The following GATA4 variants were observed in gnomAD, a reference collection of about 807,000 sequenced individuals.
The protein encoded by GATA4 is transcription factor GATA-4.
A neutral mutation model predicts 37.9 loss-of-function variants in GATA4; 7 were observed. That is an observed-to-expected ratio of 0.18 (90% CI 0.11 to 0.35). GATA4 has a LOEUF of 0.35. GATA4 is among the 10% of genes least tolerant of loss of function. GATA4 has a pLI of 1.00. For missense variants in GATA4, 647 were observed against 653.0 expected (o/e 0.99, Z 0.10); for synonymous variants, 372 against 292.6 (o/e 1.27, Z -2.77).
rs1563214163 is a variant in GATA4 at position 11,729,890 on chromosome 8, A to G, written c.617-19026A>G. On this transcript the variant is annotated intron_variant, in intron 2 of 6. Coordinates refer to ENST00000532059, the MANE Select transcript of GATA4 (RefSeq NM_001308093.3). ...TTTTGGTTTTTAAACCCAATATATA[A>G]TTCCTGGATATTCCTACCACTTACT... Among the ~76,000 whole-genome samples, 3 of 152,116 alleles carry G rather than the reference A, an allele frequency of 2.0e-5. No individual in the cohort carries two copies. In the South Asian group the frequency reaches 6.2e-4, roughly 32 times the overall value.
chr8:11,711,934 C>T (rs184425028), intron 2 of GATA4, among the ~76,000 whole-genome samples: 1 of 152,108 alleles, frequency 6.6e-6, no homozygotes, highest in African/African-American at 2.4e-5. Context: ...GCCACTGAGC[C>T]CTAAGATGGC....
At chr8:11,710,539 A>AC (rs1800132121) in intron 2 of GATA4, among the ~76,000 whole-genome samples, 2 of 151,504 alleles carry the variant, frequency 1.3e-5, no homozygotes, top group East Asian at 1.9e-4. Context: ...AAAAAAAAAA[A>AC]AATTAGCGGT....
chr8:11,758,434 C>T lies in GATA4; in HGVS notation c.1291C>T (p.Leu431=). The change falls in exon 7 of 7, where the codon CTG becomes TTG. Residue 431 remains leucine (L), a synonymous_variant. Transcript: ENST00000532059. ...TSSKQDSWNS[L]VLADSHGDII... ...CTCCAAGCAGGACTCTTGGAACAGC[C>T]TGGTCTTGGCCGACAGTCACGGGGA... 4.3e-6 allele frequency: 7 copies of T among 1,614,230 alleles called. No individual in the cohort carries two copies. The highest frequency in any genetic ancestry group is 5.9e-6 in the Non-Finnish European group (7 of 1,180,036).
At chr8:11,718,397 T>C (rs1485304549) in intron 2 of GATA4, among the ~76,000 whole-genome samples, 1 of 152,260 alleles carries the variant, frequency 6.6e-6, no homozygotes, top group African/African-American at 2.4e-5. Flanking sequence ...TTTTAAAATA[T>C]ATTTTCCCTC....
At chr8:11,717,653 A>G (rs1388748616) in intron 2 of GATA4, among the ~76,000 whole-genome samples, 1 of 152,168 alleles carries the variant, frequency 6.6e-6, no homozygotes, top group East Asian at 1.9e-4. Context: ...GAAGGGCTCT[A>G]TTAAACCTTA....
At chr8:11,747,673 A>G (rs1802098339) in intron 2 of GATA4, among the ~76,000 whole-genome samples, 1 of 152,368 alleles carries the variant, frequency 6.6e-6, no homozygotes, top group South Asian at 2.1e-4. Flanking sequence ...CTCAGAGAGT[A>G]TCTTAAGGAA....
chr8:11,730,462 A>G (rs770149176), intron 2 of GATA4, among the ~76,000 whole-genome samples: 1 of 152,226 alleles, frequency 6.6e-6, no homozygotes, highest in Non-Finnish European at 1.5e-5. Flanking sequence ...AAAAATCGGA[A>G]TAGAATGTGA....
At chr8:11,678,938 C>T (rs1174579507) in intron 1 of GATA4, among the ~76,000 whole-genome samples, 7 of 152,168 alleles carry the variant, frequency 4.6e-5, no homozygotes, top group Non-Finnish European at 7.3e-5. Flanking sequence ...ATTACTCTTT[C>T]TCCCTGGTCT....
intron 2 of GATA4, among the ~76,000 whole-genome samples, chr8:11,726,734 G>A (rs898441205): frequency 6.6e-6 from 1 of 152,142 alleles, no homozygotes; most frequent in South Asian, 2.1e-4. Context: ...GTGGATAGGC[G>A]TGTGCCCCCG....
chr8:11,737,200 C>G (rs971400874), intron 2 of GATA4, among the ~76,000 whole-genome samples: 4 of 152,048 alleles, frequency 2.6e-5, no homozygotes, highest in Non-Finnish European at 4.4e-5. Context: ...CACCCTTGCT[C>G]GCCTCCTCTT....
intron 2 of GATA4, among the ~76,000 whole-genome samples, chr8:11,710,283 C>A (rs543802306): frequency 7.9e-5 from 12 of 152,210 alleles, no homozygotes; most frequent in African/African-American, 2.9e-4. Flanking sequence ...AGACGGCCAC[C>A]CCCAGGGGAG....
At chr8:11,743,626 C>G (rs1055919650) in intron 2 of GATA4, among the ~76,000 whole-genome samples, 1 of 152,256 alleles carries the variant, frequency 6.6e-6, no homozygotes, top group Admixed American at 6.5e-5. Context: ...TTCCCTCTCC[C>G]CGCCCTGACT....
Position 11,708,617 on chromosome 8 carries a change from C to T in GATA4, c.305C>T (p.Pro102Leu), listed in dbSNP as rs1585595921. The T allele has an allele frequency of 7.5e-7, 1 of 1,342,276 alleles. No homozygotes were observed. The highest frequency in any genetic ancestry group is 9.5e-7 in the Non-Finnish European group (1 of 1,048,412). The allele number at this position is 1,342,276 out of a possible 1,614,324, so 83.1% of individuals were successfully genotyped here. Residue 102 changes from proline to leucine, a missense_variant, in exon 2 of 7, where the codon CCG becomes CTG. Around this residue, in one of 5 missense-constraint regions of GATA4, gnomAD observed 379 missense variants for 334.5 expected, o/e 1.13. Transcript: ENST00000532059. This position sits in a 1 kb window ranked among gnomAD's most constrained non-coding sequence, Gnocchi z 6.7. Reference sequence around the variant, plus strand: ...GCCGACGGAGCCGCTTACACCCCGCCGCCGGTGTCGCCGCGCTTCTCCTTC... The same window carrying T: ...GCCGACGGAGCCGCTTACACCCCGCTGCCGGTGTCGCCGCGCTTCTCCTTC... ...AGADGAAYTP[P>L]PVSPRFSFPG...
At chr8:11,731,763 G>A (rs990443951) in intron 2 of GATA4, among the ~76,000 whole-genome samples, 1 of 152,200 alleles carries the variant, frequency 6.6e-6, no homozygotes. Flanking sequence ...TTAAAGAAGA[G>A]AAAAATGGAG....
chr8:11,748,190 C>T (rs976111864), intron 2 of GATA4, among the ~76,000 whole-genome samples: 1 of 152,144 alleles, frequency 6.6e-6, no homozygotes, highest in African/African-American at 2.4e-5. Context: ...TGCACTCTAG[C>T]CTGGGCAACA....
chr8:11,743,928 T>C (rs980963598), intron 2 of GATA4, among the ~76,000 whole-genome samples: 2 of 151,706 alleles, frequency 1.3e-5, no homozygotes, highest in African/African-American at 4.8e-5. Context: ...AAGTGAAGAG[T>C]GAGATCCCCA....
At chr8:11,692,597 G>T (rs945064538), upstream of GATA4, 18 of 985,196 alleles carry the variant, frequency 1.8e-5, no homozygotes, top group African/African-American at 1.9e-4. Flanking sequence ...TGGCCCCCGC[G>T]CTGGGGCGGG....
chr8:11,737,172 C>T (rs1801502257), intron 2 of GATA4, among the ~76,000 whole-genome samples: 1 of 151,914 alleles, frequency 6.6e-6, no homozygotes, highest in African/African-American at 2.4e-5. Context: ...GAAAACAGTC[C>T]CCACGTATAA....
chr8:11,708,972 G>T lies in GATA4; in HGVS notation c.616+44G>T, dbSNP rs1293947311. The T allele has an allele frequency of 4.6e-5, 70 of 1,506,936 alleles. No individual in the cohort carries two copies. Among genetic ancestry groups the T allele is most frequent in the East Asian group, 7.6e-5 (3 of 39,658 alleles). The allele number at this position is 1,506,936 out of a possible 1,614,324, so 93.3% of individuals were successfully genotyped here. ...GCTGGGGCGCGTGAGGGCCGGGGCA[G>T]GGGCCGTCTTGAGCCCTGTCGAGGG... On this transcript the variant is annotated intron_variant, in intron 2 of 6. Transcript: ENST00000532059. This position sits in a 1 kb window ranked among gnomAD's most constrained non-coding sequence, Gnocchi z 6.7.
Sources: gnomAD v4.1 joint callset for allele counts (sites outside exome capture counted in the v4.1 genomes callset) on GRCh38, gnomAD v4.1.1 for gene constraint, gnomAD v4.1.1 regional missense constraint, Gnocchi (gnomAD v3.1) non-coding constraint, MANE v1.5 for transcripts, NCBI Gene and HGNC (gene_info 2026-07-23, HGNC 2026-07-21) for gene names.